CSF2RA: variants seen among roughly 807,000 people sequenced by gnomAD.
CSF2RA encodes the protein granulocyte-macrophage colony-stimulating factor receptor subunit alpha.
CSF2RA carries 42 observed loss-of-function variants against 51.6 expected under a neutral mutation model. The observed-to-expected ratio is 0.81, with a 90% CI of 0.64 to 1.05. The LOEUF (loss-of-function observed/expected upper bound fraction) is 1.05, where lower values mean the gene tolerates loss of function less well. Ranked by LOEUF, CSF2RA falls within the 50% of genes least tolerant of loss-of-function variation. CSF2RA has a pLI of 0.00. For synonymous variants in CSF2RA, 222 were observed against 193.0 expected (o/e 1.15, Z -1.24); for missense variants, 530 against 501.1 (o/e 1.06, Z -0.55).
the CSF2RA span, among the ~76,000 whole-genome samples, chrX:1,320,718 G>A: frequency 5.6e-3 from 754 of 135,506 alleles, 9 homozygotes; most frequent in African/African-American, 0.02. Flanking sequence ...TCGCCATGTT[G>A]GCCAGGATGG....
At chrX:1,314,609 G>T (rs866638324), downstream of CSF2RA, among the ~76,000 whole-genome samples, 7 of 16,994 alleles carry the variant, frequency 4.1e-4, no homozygotes, top group Admixed American at 1.2e-3. Context: ...CAACCCCACT[G>T]CACCTGCCCA....
the CSF2RA span, among the ~76,000 whole-genome samples, chrX:1,320,023 G>A: frequency 7.2e-6 from 1 of 138,164 alleles, no homozygotes. Flanking sequence ...AGCCTTCCGA[G>A]TAGCTGGGAC....
At chrX:1,316,079 GA>G in the CSF2RA span, among the ~76,000 whole-genome samples, 306 of 71,234 alleles carry the variant, frequency 4.3e-3, 1 homozygote, top group African/African-American at 0.011. Context: ...TAGATAGATA[GA>G]ATAGATAAAT....
At chrX:1,315,132 G>A (rs1315662897), downstream of CSF2RA, among the ~76,000 whole-genome samples, 5 of 151,852 alleles carry the variant, frequency 3.3e-5, no homozygotes, top group Admixed American at 2.0e-4. Flanking sequence ...GGGGGGGAGG[G>A]TCATCGGTCA....
At chrX:1,314,261 C>CA (rs1569514698), downstream of CSF2RA, among the ~76,000 whole-genome samples, 20 of 27,696 alleles carry the variant, frequency 7.2e-4, 2 homozygotes, top group African/African-American at 1.8e-3. Context: ...CCTGCCCAAC[C>CA]CCACTGCGCC....
chrX:1,316,303 T>C, the CSF2RA span, among the ~76,000 whole-genome samples: 67,676 of 137,334 alleles, frequency 0.49, 16,038 homozygotes, highest in East Asian at 0.71. Context: ...GATAGATAGA[T>C]AGACAGACAG....
chrX:1,277,006 G>C (rs2089267747), intron 2 of CSF2RA, among the ~76,000 whole-genome samples: 1 of 151,800 alleles, frequency 6.6e-6, no homozygotes, highest in South Asian at 2.1e-4. Flanking sequence ...GGCTGAGGCA[G>C]GAGGACCACT....
rs2092151661 is a variant in CSF2RA at position 1,298,623 on chromosome X, ACACTCTCCTACCCAT to A, written c.811-1867_811-1853del. ...CTACAGTCCCCTACTCACGACCCCT[ACACTCTCCTACCCAT>A]GACCCCTGGTGGAACCCTACAGTCC... On this transcript the variant is annotated intron_variant, in intron 9 of 12. Transcript: ENST00000381529. 1.7e-4 allele frequency among the ~76,000 whole-genome samples: 2 copies of A among 11,520 alleles called. 1 individual carries two copies. The highest frequency in any genetic ancestry group is 1.8e-3 in the Admixed American group (2 of 1,110). The allele number at this position is 11,520 out of a possible 152,430, so 7.6% of individuals were successfully genotyped here. A position where few individuals can be genotyped will look rare whatever the true frequency, so the allele number is the denominator to read the frequency against.
At chrX:1,281,363 C>CCTT (rs2090039356) in intron 2 of CSF2RA, among the ~76,000 whole-genome samples, 1 of 133,134 alleles carries the variant, frequency 7.5e-6, no homozygotes, top group Non-Finnish European at 1.6e-5. Context: ...TCCTTCTCCT[C>CCTT]CTCCTCCTTC....
the CSF2RA span, among the ~76,000 whole-genome samples, chrX:1,322,855 C>T: frequency 0.027 from 4,110 of 151,840 alleles, 186 homozygotes; most frequent in African/African-American, 0.093. Context: ...ATTGGCCGGG[C>T]GCGGTGGCTC....
At chrX:1,283,149 T>A (rs868612196) in intron 3 of CSF2RA, among the ~76,000 whole-genome samples, 1 of 76,898 alleles carries the variant, frequency 1.3e-5, no homozygotes, top group South Asian at 6.4e-4. Context: ...CTTCCTTCCT[T>A]CCTTCGTTCC....
chrX:1,314,288 ATCTGCCCAACCACTCTGTG>A (rs1314623791), downstream of CSF2RA, among the ~76,000 whole-genome samples: 348 of 62,592 alleles, frequency 5.6e-3, 15 homozygotes, highest in African/African-American at 0.01. Context: ...ACCCCACTGC[ATCTGCCCAACCACTCTGTG>A]CCTGCCCAAC....
chrX:1,314,862 G>A (rs1381543244), downstream of CSF2RA, among the ~76,000 whole-genome samples: 1 of 100,976 alleles, frequency 9.9e-6, no homozygotes, highest in Non-Finnish European at 2.1e-5. Context: ...CACTGCACCT[G>A]CCCAACCGCA....
At chrX:1,290,261 GT>G in intron 6 of CSF2RA, 75 bp from the exon 7 acceptor site, 1 of 1,212,006 alleles carries the variant, frequency 8.3e-7, no homozygotes, top group Non-Finnish European at 1.2e-6. Context: ...TTTTGTGTTT[GT>G]TTTTGTTTTG....
chrX:1,294,729 C>G (rs769014365), intron 8 of CSF2RA, among the ~76,000 whole-genome samples: 1 of 151,844 alleles, frequency 6.6e-6, no homozygotes, highest in South Asian at 2.1e-4. Context: ...GTGTGGGGGA[C>G]GATGCCACAA....
chrX:1,297,072 T>A, intron 9 of CSF2RA, among the ~76,000 whole-genome samples: 1 of 60,378 alleles, frequency 1.7e-5, no homozygotes, highest in Non-Finnish European at 3.1e-5. Context: ...TACACTTTCC[T>A]ACCCATGACC....
At chrX:1,281,689 C>T (rs1256123677) in intron 2 of CSF2RA, among the ~76,000 whole-genome samples, 3 of 151,982 alleles carry the variant, frequency 2.0e-5, no homozygotes, top group Non-Finnish European at 2.9e-5. Context: ...GATCTTTTTA[C>T]TGTTTCCATG....
rs779937850 is a variant in CSF2RA at position 1,269,165 on chromosome X, T to C, written c.-91+286T>C. Among the ~76,000 whole-genome samples, 5 of 152,220 alleles carry C rather than the reference T, an allele frequency of 3.3e-5. No individual in the cohort carries two copies. The South Asian group carries it at 1.0e-3, about 32-fold the overall frequency. ...GTTGTTGGAGGACAGGGAGGGGGCT[T>C]CTGTGAAGCTGTTTGCTGGGAATTC... On this transcript the variant is annotated intron_variant, in intron 1 of 12. Transcript: ENST00000381529.
chrX:1,309,631 A>G lies in CSF2RA; in HGVS notation c.*152A>G, dbSNP rs777795752. On this transcript the variant is annotated 3_prime_UTR_variant, in exon 13 of 13. Coordinates refer to ENST00000381529, the MANE Select transcript of CSF2RA (RefSeq NM_172245.4). The stretch of plus-strand genomic sequence containing the variant: ...GCCAGGCGCGGTGGCTCACGCCTGT[A>G]ATCCCAGCACTTTGGGAGGCCAAGG... The G allele has an allele frequency of 1.3e-6, 2 of 1,581,326 alleles. No homozygotes were observed. The highest frequency in any genetic ancestry group is 1.7e-6 in the Non-Finnish European group (2 of 1,150,770).
Sources: gnomAD v4.1 joint callset for allele counts (sites outside exome capture counted in the v4.1 genomes callset) on GRCh38, gnomAD v4.1.1 for gene constraint, MANE v1.5 for transcripts, NCBI Gene and HGNC (gene_info 2026-07-23, HGNC 2026-07-21) for gene names.